The following SRRM3 variants were observed in gnomAD, a reference collection of about 807,000 sequenced individuals.
SRRM3 encodes serine/arginine repetitive matrix 3, also known as serine/arginine repetitive matrix protein 3.
In SRRM3, 27 loss-of-function variants were observed where a neutral mutation model predicts 66.2. The observed-to-expected ratio is 0.41, with a 90% confidence interval of 0.30 to 0.56. The LOEUF is 0.56. SRRM3 is among the 20% of genes least tolerant of loss of function. The pLI, the probability that SRRM3 is intolerant of heterozygous loss-of-function variation, is 0.32. For synonymous variants in SRRM3, 391 were observed against 414.9 expected, an observed-to-expected ratio of 0.94 and a Z score of 0.70; for missense variants, 918 against 991.9, an observed-to-expected ratio of 0.93 and a Z score of 1.00.
chr7:76,283,110 G>A lies in SRRM3; in HGVS notation c.1733+9G>A. 7.1e-7 allele frequency: 1 copy of A among 1,414,172 alleles called. No homozygotes were observed. The highest frequency in any genetic ancestry group is 9.2e-7 in the Non-Finnish European group (1 of 1,087,532). 87.6% of individuals were successfully genotyped at this position (1,414,172 alleles called of 1,614,324 possible). ...CCGCGGCGCATCACCAGGTATGGAG[G>A]GTCTTGGGGGGGCCGGTGGCGCAGG... On this transcript the variant is annotated intron_variant, in intron 14 of 14. Coordinates refer to ENST00000611745, the MANE Select transcript of SRRM3 (RefSeq NM_001110199.3).
At chr7:76,218,824 A>T (rs1181166592) in intron 1 of SRRM3, among the ~76,000 whole-genome samples, 1 of 151,418 alleles carries the variant, frequency 6.6e-6, no homozygotes, top group Non-Finnish European at 1.5e-5. Flanking sequence ...GACTATAGGC[A>T]TGCACCATCA....
chr7:76,250,042 TTTA>T (rs144842022), intron 3 of SRRM3, among the ~76,000 whole-genome samples: 34,326 of 149,746 alleles, frequency 0.23, 4,196 homozygotes, highest in East Asian at 0.44. Flanking sequence ...TATTTATTTA[TTTA>T]TTTTTATTTA....
chr7:76,267,280 G>A lies in SRRM3; in HGVS notation c.853G>A (p.Glu285Lys). ...PSRLSPKHRDEGRKTGSQRSS... is the reference protein window; with the variant it reads ...PSRLSPKHRDKGRKTGSQRSS... ...CAGGCTGAGCCCCAAGCACCGAGAC[G>A]AAGGGCGAAAGACGGGCAGCCAGCG... Residue 285 changes from glutamate (E) to lysine (K), a missense_variant, in exon 11 of 15, where the codon GAA becomes AAA. Coordinates refer to ENST00000611745, the MANE Select transcript of SRRM3 (RefSeq NM_001110199.3). The A allele has an allele frequency of 6.4e-7, 1 of 1,556,182 alleles. No homozygotes were observed. Among genetic ancestry groups the A allele is most frequent in the Non-Finnish European group, 8.6e-7 (1 of 1,157,206 alleles).
intron 14 of SRRM3, chr7:76,283,449 T>G: frequency 2.1e-6 from 1 of 486,636 alleles, no homozygotes. Flanking sequence ...AGTCCCGCCA[T>G]CCCTCCGGAG....
chr7:76,281,625 C>T lies in SRRM3; in HGVS notation c.1193C>T (p.Ser398Phe). Residue 398 changes from serine (S) to phenylalanine (F), a missense_variant, in exon 12 of 15, where the codon TCC (serine) becomes TTC (phenylalanine). Coordinates refer to ENST00000611745, the MANE Select transcript of SRRM3 (RefSeq NM_001110199.3). ...CGGCGTAGGCGGCGGCGCTCGCGGT[C>T]CTCGGCGTCCGCGCCCCGCCGCAGG... ...RRRRRRRRSR[S>F]SASAPRRRGR... 1.0e-6 allele frequency: 1 copy of T among 973,220 alleles called. No homozygotes were observed. The highest frequency in any genetic ancestry group is 1.2e-6 in the Non-Finnish European group (1 of 821,654). The allele number at this position is 973,220 out of a possible 1,614,324, so 60.3% of individuals were successfully genotyped here. A position where few individuals can be genotyped will look rare whatever the true frequency, so the allele number is the denominator to read the frequency against.
chr7:76,249,562 A>C (rs1563625081), intron 3 of SRRM3, among the ~76,000 whole-genome samples: 1 of 152,210 alleles, frequency 6.6e-6, no homozygotes, highest in Non-Finnish European at 1.5e-5. Flanking sequence ...AACCATACAA[A>C]CACTGGAGGA....
chr7:76,205,718 G>A lies in SRRM3; in HGVS notation c.-40+3651G>A, dbSNP rs80126982. ...CTCACCTCAAATTCTGGGCCAGAAA[G>A]GACTCTAACCTTGGTTCAGCCAAAG... On this transcript the variant is annotated intron_variant, in intron 1 of 14. Transcript: ENST00000611745. 6.4e-3 allele frequency among the ~76,000 whole-genome samples: 978 copies of A among 152,308 alleles called. 11 individuals carry two copies. The highest frequency in any genetic ancestry group is 0.022 in the African/African-American group (911 of 41,580).
chr7:76,260,823 C>T (rs1801844433), intron 5 of SRRM3, 51 bp from the exon 6 acceptor site: 7 of 1,548,910 alleles, frequency 4.5e-6, no homozygotes, highest in Middle Eastern at 1.7e-4. Context: ...TCTGGGGCCC[C>T]AACTAACCCC....
chr7:76,268,690 G>A (rs529996806), intron 11 of SRRM3: 14 of 152,396 alleles, frequency 9.2e-5, no homozygotes, highest in African/African-American at 3.4e-4. Flanking sequence ...ACATTTACCT[G>A]TCTCTAGACT....
chr7:76,282,997 T>A lies in SRRM3; in HGVS notation c.1629T>A (p.Ser543=). The change falls in exon 14 of 15, where the codon TCT becomes TCA. Residue 543 remains serine (S), a synonymous_variant. Transcript: ENST00000611745. ...DKDGEGRARH[S]EAEATRARRR... ...ACGGCGAGGGCCGCGCAAGGCACTC[T>A]GAGGCCGAGGCCACCCGCGCCCGGC... The A allele has an allele frequency of 6.9e-7, 1 of 1,458,636 alleles. No individual in the cohort carries two copies. Among genetic ancestry groups the A allele is most frequent in the Non-Finnish European group, 9.0e-7 (1 of 1,111,702 alleles). 90.4% of individuals were successfully genotyped at this position (1,458,636 alleles called of 1,614,324 possible).
At chr7:76,259,224 T>G (rs894096763) in intron 3 of SRRM3, among the ~76,000 whole-genome samples, 2 of 149,580 alleles carry the variant, frequency 1.3e-5, no homozygotes, top group Non-Finnish European at 3.0e-5. Context: ...CTTCAATGAA[T>G]GGGGCTAGGA....
At chr7:76,238,832 T>G (rs1243091257) in intron 2 of SRRM3, among the ~76,000 whole-genome samples, 1 of 151,996 alleles carries the variant, frequency 6.6e-6, no homozygotes, top group African/African-American at 2.4e-5. Flanking sequence ...GGCTAATTTT[T>G]GTACTTTTTA....
At chr7:76,218,362 A>G (rs1241245044) in intron 1 of SRRM3, among the ~76,000 whole-genome samples, 1 of 152,120 alleles carries the variant, frequency 6.6e-6, no homozygotes, top group Non-Finnish European at 1.5e-5. Flanking sequence ...GCTCAGTCAT[A>G]AGACTGTTCT....
intron 1 of SRRM3, among the ~76,000 whole-genome samples, chr7:76,233,452 C>T (rs1243748954): frequency 4.6e-5 from 7 of 152,150 alleles, no homozygotes; most frequent in African/African-American, 1.7e-4. Context: ...CACCCATGAG[C>T]CAAGCACTGC....
chr7:76,273,131 G>A (rs781872171), intron 11 of SRRM3: 6 of 152,428 alleles, frequency 3.9e-5, no homozygotes, highest in Non-Finnish European at 8.8e-5. Context: ...CTGTCTTTCT[G>A]TTTCTCTTTC....
intron 1 of SRRM3, among the ~76,000 whole-genome samples, chr7:76,232,908 A>G (rs529821691): frequency 1.1e-4 from 16 of 152,136 alleles, no homozygotes; most frequent in African/African-American, 3.6e-4. Flanking sequence ...CAGGGAGGCC[A>G]GGCAACCACA....
At chr7:76,233,730 T>C (rs1251414187) in intron 1 of SRRM3, among the ~76,000 whole-genome samples, 1 of 152,070 alleles carries the variant, frequency 6.6e-6, no homozygotes, top group African/African-American at 2.4e-5. Context: ...AGAGGGGTAG[T>C]GACATCTTCA....
At chr7:76,247,370 G>C (rs548591257) in intron 2 of SRRM3, among the ~76,000 whole-genome samples, 114 of 152,166 alleles carry the variant, frequency 7.5e-4, no homozygotes, top group Non-Finnish European at 6.5e-4. Context: ...CCACTTGGCA[G>C]CCTTACCCTT....
At chr7:76,237,787 T>C (rs1554605133) in intron 2 of SRRM3, among the ~76,000 whole-genome samples, 1 of 150,440 alleles carries the variant, frequency 6.6e-6, no homozygotes, top group African/African-American at 2.5e-5. Context: ...CTTCACTAAG[T>C]CCCCTCCTCT....
Sources: allele counts gnomAD v4.1 joint callset (sites outside exome capture counted in the v4.1 genomes callset), GRCh38; gene constraint gnomAD v4.1.1; transcripts MANE v1.5; gene names NCBI Gene and HGNC (gene_info 2026-07-23, HGNC 2026-07-21).